The following LIN52 variants were observed in gnomAD, a reference collection of about 807,000 sequenced individuals.
The protein encoded by LIN52 is lin-52 DREAM MuvB core complex component, also known as protein lin-52 homolog.
Under a neutral mutation model 18.5 loss-of-function variants are expected in LIN52, and 4 were observed. That is an observed-to-expected ratio of 0.22 (90% CI 0.11 to 0.49). The LOEUF is 0.49. Among genes scored for constraint, LIN52 ranks in the 20% least tolerant of loss-of-function variants. LIN52 has a pLI of 0.97. For missense variants in LIN52, 102 were observed against 139.5 expected (o/e 0.73, Z 1.35); for synonymous variants, 34 against 45.5 (o/e 0.75, Z 1.02).
chr14:74,169,157 G>A (rs952551580), intron 5 of LIN52, among the ~76,000 whole-genome samples: 1 of 152,180 alleles, frequency 6.6e-6, no homozygotes, highest in Non-Finnish European at 1.5e-5. Context: ...CTGTCTCACT[G>A]ACTTGAGCCT....
rs148428725 is a variant in LIN52, at chr14:74,096,561, T to G, written c.132+576T>G. 3.6e-3 allele frequency among the ~76,000 whole-genome samples: 545 copies of G among 152,138 alleles called. 4 individuals are homozygous for G. Among genetic ancestry groups the G allele is most frequent in the African/African-American group, 0.012 (514 of 41,492 alleles). On this transcript the variant is annotated intron_variant, in intron 3 of 5. Coordinates refer to ENST00000555028, the MANE Select transcript of LIN52 (RefSeq NM_001024674.3). ...TAGAGTTGATTTGGAGGTAAATGAC[T>G]TGATGCATGTAAAGTGTTTTGCTTG...
At chr14:74,173,176 G>GT (rs1566866784) in intron 5 of LIN52, among the ~76,000 whole-genome samples, 1 of 152,104 alleles carries the variant, frequency 6.6e-6, no homozygotes, top group Middle Eastern at 3.4e-3. Flanking sequence ...ATTACTTAGT[G>GT]TTTTTTTGTG....
intron 2 of LIN52, 24 bp downstream of exon 2, chr14:74,091,330 CAG>C: frequency 1.4e-6 from 2 of 1,460,836 alleles, no homozygotes; most frequent in Non-Finnish European, 1.9e-6. Flanking sequence ...TTCTTTATAT[CAG>C]AGTCAATGCA....
intron 5 of LIN52, among the ~76,000 whole-genome samples, chr14:74,180,074 A>G (rs1435183310): frequency 6.6e-6 from 1 of 152,134 alleles, no homozygotes; most frequent in East Asian, 1.9e-4. Flanking sequence ...ATAAATTCTA[A>G]CTAACCTACC....
At chr14:74,136,381 G>A (rs942521018) in intron 5 of LIN52, among the ~76,000 whole-genome samples, 1 of 152,170 alleles carries the variant, frequency 6.6e-6, no homozygotes, top group Non-Finnish European at 1.5e-5. Flanking sequence ...TCTGATTACA[G>A]AAATAAGCTT....
At chr14:74,091,392 T>G in intron 2 of LIN52, 86 bp downstream of exon 2, 2 of 984,536 alleles carry the variant, frequency 2.0e-6, no homozygotes, top group Non-Finnish European at 3.0e-6. Context: ...TTATTTATTT[T>G]GTAAATTTTT....
At chr14:74,088,280 GGGGTTTCACC>G (rs2139842070) in intron 1 of LIN52, among the ~76,000 whole-genome samples, 1 of 152,152 alleles carries the variant, frequency 6.6e-6, no homozygotes, top group East Asian at 1.9e-4. Flanking sequence ...GAGTAGAGAC[GGGGTTTCACC>G]ATGTTGCCCA....
intron 5 of LIN52, among the ~76,000 whole-genome samples, chr14:74,159,235 TA>T (rs773412104): frequency 4.6e-5 from 7 of 151,780 alleles, no homozygotes; most frequent in African/African-American, 1.7e-4. Flanking sequence ...ATTCTGAGAT[TA>T]AAAAAAAATC....
At chr14:74,110,632 T>C (rs1330644727) in intron 5 of LIN52, among the ~76,000 whole-genome samples, 4 of 150,658 alleles carry the variant, frequency 2.7e-5, no homozygotes, top group African/African-American at 9.8e-5. Flanking sequence ...ATTATGCCAC[T>C]GCACTCCAGC....
intron 5 of LIN52, among the ~76,000 whole-genome samples, chr14:74,170,382 T>C (rs1374122117): frequency 6.6e-6 from 1 of 152,208 alleles, no homozygotes; most frequent in Non-Finnish European, 1.5e-5. Flanking sequence ...TTGTATATCT[T>C]CTATAGGTTC....
intron 5 of LIN52, chr14:74,114,510 C>T (rs150248645): frequency 2.8e-5 from 22 of 783,184 alleles, no homozygotes; most frequent in African/African-American, 2.4e-4. Flanking sequence ...GGGGATGTTA[C>T]GGGATAAGCT....
chr14:74,094,881 C>T (rs963927740), intron 2 of LIN52, among the ~76,000 whole-genome samples: 5 of 151,936 alleles, frequency 3.3e-5, no homozygotes, highest in Non-Finnish European at 5.9e-5. Context: ...GCACATGCCG[C>T]CACACCCAGC....
chr14:74,124,023 G>A (rs1446372097), intron 5 of LIN52, among the ~76,000 whole-genome samples: 1 of 152,086 alleles, frequency 6.6e-6, no homozygotes, highest in Non-Finnish European at 1.5e-5. Context: ...CTTAGTATGA[G>A]TCTTCATGAT....
chr14:74,200,684 G>A lies in LIN52; in HGVS notation c.*1707G>A, dbSNP rs2078943288. 1 of 152,366 alleles carries A rather than the reference G, an allele frequency of 6.6e-6. No homozygotes were observed. Among genetic ancestry groups the A allele is most frequent in the East Asian group, 1.9e-4 (1 of 5,192 alleles). 9.4% of individuals were successfully genotyped at this position (152,366 alleles called of 1,614,324 possible). On this transcript the variant is annotated 3_prime_UTR_variant, in exon 6 of 6. Transcript: ENST00000555028. Reference sequence around the variant, plus strand: ...ACTTAACACAAGATAGGAAAGATGAGTATGAGAAGTAAAACATTCTGCTGG... The same window carrying A: ...ACTTAACACAAGATAGGAAAGATGAATATGAGAAGTAAAACATTCTGCTGG...
intron 5 of LIN52, among the ~76,000 whole-genome samples, chr14:74,158,121 A>ATTTT (rs370452421): frequency 0.015 from 2,162 of 141,164 alleles, 29 homozygotes; most frequent in Middle Eastern, 0.063. Context: ...ATATATATAT[A>ATTTT]TATATTTTTT....
intron 5 of LIN52, among the ~76,000 whole-genome samples, chr14:74,178,809 A>G (rs1225142186): frequency 1.3e-5 from 2 of 151,802 alleles, no homozygotes; most frequent in Admixed American, 6.6e-5. Flanking sequence ...GGCTGGACAT[A>G]GTGCCTCATG....
At chr14:74,093,375 G>A (rs1173022095) in intron 2 of LIN52, among the ~76,000 whole-genome samples, 3 of 131,590 alleles carry the variant, frequency 2.3e-5, no homozygotes, top group Non-Finnish European at 3.1e-5. Context: ...CCCAGGCTGT[G>A]CAGTATAATG....
chr14:74,113,638 T>C (rs2060944372), intron 5 of LIN52, among the ~76,000 whole-genome samples: 1 of 152,184 alleles, frequency 6.6e-6, no homozygotes, highest in Non-Finnish European at 1.5e-5. Flanking sequence ...CAAGGAGTTA[T>C]TCTCAGTGGT....
chr14:74,158,429 C>A (rs183008469), intron 5 of LIN52, among the ~76,000 whole-genome samples: 3 of 149,874 alleles, frequency 2.0e-5, no homozygotes, highest in Non-Finnish European at 4.4e-5. Context: ...CTACTGCTGT[C>A]GTAAGTTATT....
Sources: gnomAD v4.1 joint callset for allele counts (sites outside exome capture counted in the v4.1 genomes callset) on GRCh38, gnomAD v4.1.1 for gene constraint, MANE v1.5 for transcripts, NCBI Gene and HGNC (gene_info 2026-07-23, HGNC 2026-07-21) for gene names.